The following CDK14 variants were observed in gnomAD, a reference collection of about 807,000 sequenced individuals.
The protein encoded by CDK14 is cyclin dependent kinase 14, also known as cyclin-dependent kinase 14.
In CDK14, 34 loss-of-function variants were observed where a neutral mutation model predicts 60.7. That is an observed-to-expected ratio of 0.56 (90% CI 0.43 to 0.75). The LOEUF (loss-of-function observed/expected upper bound fraction) is 0.75, where lower values mean the gene tolerates loss of function less well. Ranked by LOEUF, CDK14 falls within the 30% of genes least tolerant of loss-of-function variation. The pLI, the probability that CDK14 is intolerant of heterozygous loss-of-function variation, is 0.00. For synonymous variants in CDK14, 197 were observed against 203.7 expected, an observed-to-expected ratio of 0.97 and a Z score of 0.28; for missense variants, 482 against 564.1, an observed-to-expected ratio of 0.85 and a Z score of 1.47.
chr7:91,081,036 T>C (rs1276349398), intron 12 of CDK14, among the ~76,000 whole-genome samples: 1 of 152,214 alleles, frequency 6.6e-6, no homozygotes, highest in African/African-American at 2.4e-5. Flanking sequence ...TTTAAGTCCT[T>C]GTAAGTTTTG....
chr7:90,755,817 A>T (rs1804032786), intron 4 of CDK14, among the ~76,000 whole-genome samples: 1 of 152,186 alleles, frequency 6.6e-6, no homozygotes, highest in Admixed American at 6.5e-5. Flanking sequence ...CCTAAAGAAA[A>T]ATAGCAGTAC....
chr7:91,112,617 A>G lies in CDK14; in HGVS notation c.1230A>G (p.Ala410=), dbSNP rs1247087731. 1 of 1,613,722 alleles carries G rather than the reference A, an allele frequency of 6.2e-7. No homozygotes were observed. Among genetic ancestry groups the G allele is most frequent in the Non-Finnish European group, 8.5e-7 (1 of 1,179,884 alleles). Reference sequence around the variant, plus strand: ...GTTCCCCAAAGAACAGACTGTCGGCACAGGCTGCCTTGAGCCACGAGTATT... The same window carrying G: ...GTTCCCCAAAGAACAGACTGTCGGCGCAGGCTGCCTTGAGCCACGAGTATT... ...LQCSPKNRLS[A]QAALSHEYFS... is the part of the protein sequence containing the mutation. The change falls in exon 13 of 15, where the codon GCA becomes GCG. Residue 410 remains alanine (A), a synonymous_variant. Transcript: ENST00000380050.
intron 2 of CDK14, among the ~76,000 whole-genome samples, chr7:90,723,908 T>G (rs1051819455): frequency 1.3e-5 from 2 of 152,218 alleles, no homozygotes; most frequent in Non-Finnish European, 2.9e-5. Flanking sequence ...CTTACAATGT[T>G]CTTGTGTGGC....
chr7:91,041,312 A>G lies in CDK14; in HGVS notation c.1042-4585A>G, dbSNP rs116051454. Reference sequence around the variant, plus strand: ...TTTGGCATTTGCTATTTGTTACCATATGTGTGCTGAAGAGTTCCAAATGTT... The same window carrying G: ...TTTGGCATTTGCTATTTGTTACCATGTGTGTGCTGAAGAGTTCCAAATGTT... On this transcript the variant is annotated intron_variant, in intron 10 of 14. Transcript: ENST00000380050. Among the ~76,000 whole-genome samples the G allele has an allele frequency of 4.5e-3, 679 of 152,096 alleles. 3 individuals carry two copies. Among genetic ancestry groups the G allele is most frequent in the Non-Finnish European group, 6.6e-3 (451 of 68,004 alleles).
chr7:90,871,710 T>C (rs982714899), intron 6 of CDK14, among the ~76,000 whole-genome samples: 5 of 152,176 alleles, frequency 3.3e-5, no homozygotes, highest in Non-Finnish European at 5.9e-5. Context: ...CATTGAGATA[T>C]GTAATTTAGG....
At chr7:91,199,396 A>G (rs1365123435) in intron 14 of CDK14, among the ~76,000 whole-genome samples, 1 of 152,024 alleles carries the variant, frequency 6.6e-6, no homozygotes, top group East Asian at 1.9e-4. Flanking sequence ...ACTTTTCCCT[A>G]TGTTTGTTTT....
intron 5 of CDK14, among the ~76,000 whole-genome samples, chr7:90,816,020 C>T (rs1225058923): frequency 1.3e-5 from 2 of 152,040 alleles, no homozygotes; most frequent in African/African-American, 4.8e-5. Context: ...ACCACCATGG[C>T]ACGTGTATGC....
intron 2 of CDK14, among the ~76,000 whole-genome samples, chr7:90,649,240 CTT>C (rs1193653281): frequency 3.3e-5 from 1 of 30,254 alleles, no homozygotes; most frequent in African/African-American, 1.2e-4. Context: ...CCTATAGTTT[CTT>C]TCTTTCTTTC....
chr7:90,794,496 G>T (rs933934585), intron 5 of CDK14, among the ~76,000 whole-genome samples: 1 of 152,092 alleles, frequency 6.6e-6, no homozygotes, highest in African/African-American at 2.4e-5. Context: ...CCTTGGCAAT[G>T]CATTCTCTTT....
chr7:90,935,875 C>G (rs1309711410), intron 8 of CDK14, among the ~76,000 whole-genome samples: 2 of 151,800 alleles, frequency 1.3e-5, no homozygotes. Flanking sequence ...ATAGTGAGAC[C>G]CTGTTTCTAC....
rs763175488 is a variant in CDK14, at chr7:90,726,591, C to A, written c.148C>A (p.Arg50=). ...GATATGTGTCACAAAGATGTCTACA[C>A]GGAACTGCCAGGGAATGGACTCAGT... The part of the protein sequence containing the change: ...DEICVTKMST[R]NCQGMDSVIK... Residue 50 remains arginine, a synonymous_variant, in exon 3 of 15, where the codon CGG becomes AGG. Coordinates refer to ENST00000380050, the MANE Select transcript of CDK14 (RefSeq NM_001287135.2). 3.7e-6 allele frequency: 6 copies of A among 1,613,238 alleles called. No individual in the cohort carries two copies. The highest frequency in any genetic ancestry group is 5.1e-6 in the Non-Finnish European group (6 of 1,179,516).
At chr7:90,607,250 A>C (rs1799438717) in intron 2 of CDK14, among the ~76,000 whole-genome samples, 1 of 152,108 alleles carries the variant, frequency 6.6e-6, no homozygotes, top group Non-Finnish European at 1.5e-5. Context: ...TCTCTCCTGG[A>C]GCTGGGGAAC....
chr7:91,158,329 C>T (rs2115728989), intron 14 of CDK14, among the ~76,000 whole-genome samples: 1 of 152,106 alleles, frequency 6.6e-6, no homozygotes, highest in South Asian at 2.1e-4. Flanking sequence ...CTGCCCACCT[C>T]AGCCTGCCGA....
At chr7:91,014,849 G>T (rs935117740) in intron 10 of CDK14, among the ~76,000 whole-genome samples, 1 of 152,212 alleles carries the variant, frequency 6.6e-6, no homozygotes. Context: ...CATTTCTAAA[G>T]ATGCCTGGTT....
intron 4 of CDK14, 50 bp from the exon 5 acceptor site, chr7:90,790,523 T>G (rs1805787900): frequency 1.6e-6 from 2 of 1,222,324 alleles, no homozygotes; most frequent in South Asian, 2.7e-5. Context: ...CAATTAGAAC[T>G]ATAATGGGCA....
intron 11 of CDK14, 53 bp downstream of exon 11, chr7:91,046,013 G>C: frequency 8.5e-7 from 1 of 1,172,052 alleles, no homozygotes; most frequent in Admixed American, 1.7e-5. Context: ...CAAAAGGTGA[G>C]TATATAAATG....
At chr7:91,137,053 G>A (rs1220373432) in intron 14 of CDK14, among the ~76,000 whole-genome samples, 1 of 151,210 alleles carries the variant, frequency 6.6e-6, no homozygotes, top group Admixed American at 6.6e-5. Flanking sequence ...TGGATCACAG[G>A]TGAAGTTGGA....
chr7:90,743,301 A>C (rs1056126048), intron 3 of CDK14, among the ~76,000 whole-genome samples: 3 of 152,124 alleles, frequency 2.0e-5, no homozygotes, highest in Non-Finnish European at 4.4e-5. Context: ...GCTAAAATCT[A>C]CTCATTTAGC....
chr7:90,863,285 CT>C lies in CDK14; in HGVS notation c.639+20del. The C allele has an allele frequency of 7.0e-7, 1 of 1,433,000 alleles. No homozygotes were observed. The highest frequency in any genetic ancestry group is 9.7e-7 in the Non-Finnish European group (1 of 1,028,664). The allele number at this position is 1,433,000 out of a possible 1,614,324, so 88.8% of individuals were successfully genotyped here. ...TGAATATGTGGTAAGTAAAATAAGACTTTTAAATTTAGACATTTAAAATATG... is the reference window on the plus strand; with the variant it reads ...TGAATATGTGGTAAGTAAAATAAGACTTTAAATTTAGACATTTAAAATATG... On this transcript the variant is annotated intron_variant, in intron 6 of 14. Transcript: ENST00000380050.
Sources: allele counts gnomAD v4.1 joint callset (sites outside exome capture counted in the v4.1 genomes callset), GRCh38; gene constraint gnomAD v4.1.1; transcripts MANE v1.5; gene names NCBI Gene and HGNC (gene_info 2026-07-23, HGNC 2026-07-21).